NFXL1: variants seen among roughly 807,000 people sequenced by gnomAD.
NFXL1 encodes nuclear transcription factor, X-box binding like 1.
In NFXL1, 66 loss-of-function variants were observed where a neutral mutation model predicts 123.3. The observed-to-expected ratio is 0.54, with a 90% CI of 0.44 to 0.66. The LOEUF is 0.66. Ranked by LOEUF, NFXL1 falls within the 30% of genes least tolerant of loss-of-function variation. The pLI is 0.00. For synonymous variants in NFXL1, 346 were observed against 360.8 expected (o/e 0.96, Z 0.46); for missense variants, 944 against 1,125.6 (o/e 0.84, Z 2.31).
At chr4:47,887,863 TGAA>T (rs1486582096) in intron 12 of NFXL1, among the ~76,000 whole-genome samples, 1 of 151,786 alleles carries the variant, frequency 6.6e-6, no homozygotes, top group Non-Finnish European at 1.5e-5. Flanking sequence ...ACTTTCAAAA[TGAA>T]GAAATAGCAT....
intron 5 of NFXL1, among the ~76,000 whole-genome samples, chr4:47,900,242 CT>C (rs1464692010): frequency 6.6e-6 from 1 of 151,950 alleles, no homozygotes; most frequent in African/African-American, 2.4e-5. Context: ...AAAAGTCTCA[CT>C]CTGTCACCCA....
At position 47,884,356 on chromosome 4, in the gene NFXL1, G is replaced by C. The variant is rs1186161341; in HGVS notation, c.1906C>G (p.Pro636Ala). 11 of 1,585,166 alleles carry C rather than the reference G, an allele frequency of 6.9e-6. No individual in the cohort carries two copies. The highest frequency in any genetic ancestry group is 9.5e-6 in the Non-Finnish European group (11 of 1,157,674). The change falls in exon 15 of 23, where the codon CCT becomes GCT. Residue 636 changes from proline to alanine, a missense_variant. Physicochemically the swap from Pro to Ala is conservative, Grantham distance 27. Coordinates refer to ENST00000507489, the MANE Select transcript of NFXL1 (RefSeq NM_001278624.2). ...TALPCPPCQV[P>A]IPMECLGKHE... The stretch of plus-strand genomic sequence containing the variant: ...AATTCTAATACTTACATAGGAATAG[G>C]AACTTGACATGGAGGACACGGTAAT...
chr4:47,896,671 G>A, intron 9 of NFXL1, 24 bp from the exon 10 acceptor site: 1 of 1,547,518 alleles, frequency 6.5e-7, no homozygotes, highest in Non-Finnish European at 8.9e-7. Context: ...AAAAGTCAAT[G>A]TTAATAATGA....
At chr4:47,899,298 A>ATTTT in intron 6 of NFXL1, 72 bp downstream of exon 6, 1 of 1,131,418 alleles carries the variant, frequency 8.8e-7, no homozygotes, top group Non-Finnish European at 1.2e-6. Flanking sequence ...AACTTTTACA[A>ATTTT]TTTTTTTTTT....
intron 12 of NFXL1, among the ~76,000 whole-genome samples, chr4:47,890,117 ATTAACAAAAGCCCTTTG>A (rs1359965418): frequency 6.6e-6 from 1 of 152,116 alleles, no homozygotes; most frequent in Non-Finnish European, 1.5e-5. Context: ...TAAAACTCAC[ATTAACAAAAGCCCTTTG>A]GGGACCAAAG....
intron 4 of NFXL1, among the ~76,000 whole-genome samples, chr4:47,903,766 T>C (rs1737448175): frequency 6.6e-6 from 1 of 152,148 alleles, no homozygotes; most frequent in Admixed American, 6.5e-5. Flanking sequence ...TACAAAAGAA[T>C]CTTTAAACAT....
At chr4:47,853,982 T>C (rs10025104) in intron 20 of NFXL1, among the ~76,000 whole-genome samples, 111,595 of 151,956 alleles carry the variant, frequency 0.73, 41,226 homozygotes, top group South Asian at 0.76. Flanking sequence ...GGGTGGCATA[T>C]GGCACTTGGA....
In NFXL1 at chr4:47,885,985, AG is replaced by A; in HGVS notation, c.1557del (p.Cys520AlafsTer5). 6.2e-7 allele frequency: 1 copy of A among 1,611,984 alleles called. No homozygotes were observed. Among genetic ancestry groups the A allele is most frequent in the Non-Finnish European group, 8.5e-7 (1 of 1,179,420 alleles). ...CACTTCACATCTACGGTTTCTGGGC[AG>A]GGATAGCAACTGCCTGAAAAAAAAG... The part of the protein sequence containing the change: ...PSVCHRGSCY[P>X]CPETVDVKCN... On this transcript the variant is annotated frameshift_variant, in exon 13 of 23. Transcript: ENST00000507489. LOFTEE classifies it high-confidence loss of function.
chr4:47,859,841 C>CAAAAAAAAAAAA (rs938207203), intron 19 of NFXL1, among the ~76,000 whole-genome samples: 3 of 14,314 alleles, frequency 2.1e-4, no homozygotes, highest in African/African-American at 5.1e-4. Flanking sequence ...GACTCCATCT[C>CAAAAAAAAAAAA]AAAAAAAAAA....
chr4:47,903,453 TC>T, intron 4 of NFXL1, 130 bp from the exon 5 acceptor site: 2 of 468,446 alleles, frequency 4.3e-6, no homozygotes, highest in Non-Finnish European at 3.5e-6. Context: ...GGTCTTTCCT[TC>T]CAGTATAACA....
At chr4:47,913,408 T>C (rs1737940696) in intron 2 of NFXL1, among the ~76,000 whole-genome samples, 1 of 152,150 alleles carries the variant, frequency 6.6e-6, no homozygotes, top group Non-Finnish European at 1.5e-5. Flanking sequence ...CTCAAGTGCT[T>C]ACAAGGAATA....
intron 20 of NFXL1, among the ~76,000 whole-genome samples, chr4:47,853,967 CGGGT>C (rs898800167): frequency 7.9e-5 from 12 of 151,996 alleles, no homozygotes; most frequent in African/African-American, 2.9e-4. Context: ...AAAGTACTAA[CGGGT>C]GGGTGGCATA....
chr4:47,890,611 AC>A lies in NFXL1; in HGVS notation c.1543+1del. ...AAAATCATAGCTATTATTAAAGTTT[AC>A]CTCTGTGACAGACAGATGGACACTT... On this transcript the variant is annotated splice_donor_variant, in intron 12 of 22. Transcript: ENST00000507489. LOFTEE classifies it high-confidence loss of function. 6.5e-7 allele frequency: 1 copy of A among 1,529,032 alleles called. No individual in the cohort carries two copies. Among genetic ancestry groups the A allele is most frequent in the Non-Finnish European group, 9.1e-7 (1 of 1,104,132 alleles). 94.7% of individuals were successfully genotyped at this position (1,529,032 alleles called of 1,614,324 possible).
chr4:47,873,751 G>C (rs944661690), intron 18 of NFXL1, among the ~76,000 whole-genome samples: 1 of 152,200 alleles, frequency 6.6e-6, no homozygotes, highest in African/African-American at 2.4e-5. Flanking sequence ...CCTAACAAGA[G>C]AGTTTGCCTG....
chr4:47,904,055 G>A (rs1404679842), intron 4 of NFXL1, among the ~76,000 whole-genome samples: 6 of 152,100 alleles, frequency 3.9e-5, no homozygotes, highest in Admixed American at 2.6e-4. Context: ...TTAAACAGCC[G>A]ACTTCTTAGT....
At chr4:47,905,046 C>T (rs1343813785) in intron 4 of NFXL1, among the ~76,000 whole-genome samples, 191 bp downstream of exon 4, 1 of 152,056 alleles carries the variant, frequency 6.6e-6, no homozygotes, top group Non-Finnish European at 1.5e-5. Context: ...GCTAAAAATA[C>T]TGGATACTCA....
intron 12 of NFXL1, among the ~76,000 whole-genome samples, chr4:47,889,518 TTC>T (rs1381297934): frequency 6.6e-6 from 1 of 152,202 alleles, no homozygotes; most frequent in Non-Finnish European, 1.5e-5. Context: ...TCCCGGCCTG[TTC>T]CACATATCCC....
In NFXL1 at chr4:47,897,620, T is replaced by C. The variant is rs570313513; in HGVS notation, c.1204+347A>G. ...AATCACCCAAAGGTCATAGTTTATATAAAGGTTCACTCATGGTGTTGTATA... is the reference window on the plus strand; with the variant it reads ...AATCACCCAAAGGTCATAGTTTATACAAAGGTTCACTCATGGTGTTGTATA... On this transcript the variant is annotated intron_variant, in intron 9 of 22. Coordinates refer to ENST00000507489, the MANE Select transcript of NFXL1 (RefSeq NM_001278624.2). 4.9e-3 allele frequency among the ~76,000 whole-genome samples: 743 copies of C among 152,302 alleles called. 2 individuals are homozygous for C. Among genetic ancestry groups the C allele is most frequent in the Non-Finnish European group, 7.7e-3 (521 of 68,016 alleles).
chr4:47,855,048 A>T lies in NFXL1; in HGVS notation c.2421+11T>A. ...TATAGAAAAGTATTTTCAATAACTT[A>T]AAATATTTACCTTTTTTATTCTTTT... On this transcript the variant is annotated intron_variant, in intron 20 of 22. Transcript: ENST00000507489. 1 of 1,208,772 alleles carries T rather than the reference A, an allele frequency of 8.3e-7. No individual in the cohort carries two copies. Among genetic ancestry groups the T allele is most frequent in the Non-Finnish European group, 1.2e-6 (1 of 844,832 alleles). The allele number at this position is 1,208,772 out of a possible 1,614,324, so 74.9% of individuals were successfully genotyped here. A position where few individuals can be genotyped will look rare whatever the true frequency, so the allele number is the denominator to read the frequency against.
Sources: allele counts gnomAD v4.1 joint callset (sites outside exome capture counted in the v4.1 genomes callset), GRCh38; gene constraint gnomAD v4.1.1; transcripts MANE v1.5; gene names NCBI Gene and HGNC (gene_info 2026-07-23, HGNC 2026-07-21).